The following GORASP2 variants were observed in gnomAD, a reference collection of about 807,000 sequenced individuals.
GORASP2 encodes the protein Golgi reassembly-stacking protein 2.
In GORASP2, 22 loss-of-function variants were observed where a neutral mutation model predicts 45.7. The ratio of observed to expected loss-of-function variants is 0.48; its 90% CI spans 0.34 to 0.69. The LOEUF is 0.69. GORASP2 is among the 30% of genes least tolerant of loss of function. GORASP2 has a pLI of 0.01. For missense variants in GORASP2, 491 were observed against 562.7 expected, an observed-to-expected ratio of 0.87 and a Z score of 1.29; for synonymous variants, 221 against 215.6, an observed-to-expected ratio of 1.02 and a Z score of -0.22.
intron 6 of GORASP2, among the ~76,000 whole-genome samples, chr2:170,955,995 C>G (rs1433076150): frequency 6.6e-6 from 1 of 152,222 alleles, no homozygotes. Flanking sequence ...GGTTGGAAAT[C>G]TTGAGAAGTC....
At chr2:170,962,158 A>G (rs1704578993) in intron 8 of GORASP2, among the ~76,000 whole-genome samples, 1 of 152,256 alleles carries the variant, frequency 6.6e-6, no homozygotes, top group Non-Finnish European at 1.5e-5. Flanking sequence ...CTAACATTAA[A>G]TTAAATTTTT....
intron 5 of GORASP2, among the ~76,000 whole-genome samples, chr2:170,953,441 A>C (rs1030300839): frequency 2.0e-5 from 3 of 152,288 alleles, no homozygotes; most frequent in African/African-American, 7.2e-5. Flanking sequence ...GTGGCAGTGG[A>C]GATAATAGAT....
chr2:170,953,114 G>A (rs188479445), intron 5 of GORASP2, among the ~76,000 whole-genome samples: 57 of 152,290 alleles, frequency 3.7e-4, no homozygotes, highest in Non-Finnish European at 7.1e-4. Context: ...CTACCGCTTT[G>A]GGAGGCTGAG....
intron 7 of GORASP2, among the ~76,000 whole-genome samples, chr2:170,960,657 C>T (rs933280230): frequency 3.3e-5 from 5 of 152,166 alleles, no homozygotes; most frequent in African/African-American, 9.7e-5. Flanking sequence ...ATTAACAAAG[C>T]ACACACTCAC....
chr2:170,950,474 G>A (rs1339598689), intron 4 of GORASP2, among the ~76,000 whole-genome samples, 184 bp downstream of exon 4: 2 of 152,198 alleles, frequency 1.3e-5, no homozygotes, highest in Non-Finnish European at 2.9e-5. Context: ...GTATAGCTGT[G>A]AGGAAAAACA....
chr2:170,964,670 A>T (rs1165367597), intron 9 of GORASP2, among the ~76,000 whole-genome samples: 1 of 152,170 alleles, frequency 6.6e-6, no homozygotes, highest in East Asian at 1.9e-4. Flanking sequence ...AATAAAAATA[A>T]AAATGAAGTA....
At chr2:170,935,698 C>T (rs1453515363) in intron 1 of GORASP2, among the ~76,000 whole-genome samples, 2 of 151,884 alleles carry the variant, frequency 1.3e-5, no homozygotes, top group East Asian at 1.9e-4. Context: ...TCTCAGCCTC[C>T]CCAGTAGCTG....
intron 1 of GORASP2, among the ~76,000 whole-genome samples, chr2:170,938,245 T>G (rs1229036616): frequency 6.6e-6 from 1 of 152,262 alleles, no homozygotes; most frequent in Non-Finnish European, 1.5e-5. Flanking sequence ...ATTTGCATTA[T>G]TGTGTAGAAC....
rs1575482567 is a variant in GORASP2 at position 170,965,939 on chromosome 2, A to G, written c.1168A>G (p.Thr390Ala). 6.2e-7 allele frequency: 1 copy of G among 1,613,552 alleles called. No individual in the cohort carries two copies. Among genetic ancestry groups the G allele is most frequent in the East Asian group, 2.2e-5 (1 of 44,810 alleles). ...SGELLSSLPP[T>A]SNAPSDPATT... Reference sequence around the variant, plus strand: ...AGAGCTGCTGTCTTCCCTCCCGCCCACCAGCAACGCACCCTCCGACCCTGC... The same window carrying G: ...AGAGCTGCTGTCTTCCCTCCCGCCCGCCAGCAACGCACCCTCCGACCCTGC... The change falls in exon 10 of 10, where the codon ACC (threonine) becomes GCC (alanine). Residue 390 changes from threonine (T) to alanine (A), a missense_variant. By Grantham distance (58) the Thr-to-Ala change is moderately conservative. Around this residue, in one of 2 missense-constraint regions of GORASP2, gnomAD observed 297 missense variants for 292.3 expected, o/e 1.02. Transcript: ENST00000234160.
chr2:170,964,131 T>C (rs1368219984), intron 9 of GORASP2, among the ~76,000 whole-genome samples: 3 of 152,216 alleles, frequency 2.0e-5, no homozygotes, highest in Non-Finnish European at 1.5e-5. Flanking sequence ...TTCCTACAAG[T>C]CCATGCAGTT....
In GORASP2 at chr2:170,948,352, A is replaced by G. The variant is rs1489311626; in HGVS notation, c.66A>G (p.Val22=). The stretch of plus-strand genomic sequence containing the variant: ...TTTTGTCGTTTTTGTTTCCGCAGGT[A>G]CAAGAAAATTCCCCAGGACACAGAG... ...GGTEGYHVLR[V]QENSPGHRAG... is the part of the protein sequence containing the mutation. Residue 22 remains valine, a splice_region_variant and synonymous_variant, in exon 2 of 10, where the codon GTA becomes GTG. Transcript: ENST00000234160. 6.3e-7 allele frequency: 1 copy of G among 1,576,778 alleles called. No homozygotes were observed. The highest frequency in any genetic ancestry group is 1.7e-5 in the Admixed American group (1 of 58,090).
At position 170,961,544 on chromosome 2, in the gene GORASP2, G is replaced by A. The variant is rs141829156; in HGVS notation, c.824-119G>A. On this transcript the variant is annotated intron_variant, in intron 7 of 9. Coordinates refer to ENST00000234160, the MANE Select transcript of GORASP2 (RefSeq NM_015530.5). ...GGACAGTCAGTTGCAGCTGGAAATCGGGACCAAATGAAGACCTGACCACGG... is the reference window on the plus strand; with the variant it reads ...GGACAGTCAGTTGCAGCTGGAAATCAGGACCAAATGAAGACCTGACCACGG... The A allele has an allele frequency of 4.2e-4, 301 of 714,124 alleles. No individual in the cohort carries two copies. In the East Asian group the frequency reaches 5.3e-3, roughly 13 times the overall value. The allele number at this position is 714,124 out of a possible 1,614,324, so 44.2% of individuals were successfully genotyped here.
intron 9 of GORASP2, among the ~76,000 whole-genome samples, chr2:170,963,932 A>G (rs1452867593): frequency 2.0e-5 from 3 of 152,128 alleles, no homozygotes; most frequent in Non-Finnish European, 4.4e-5. Flanking sequence ...GGCATGAGCC[A>G]TCTCACCCAG....
intron 1 of GORASP2, chr2:170,936,616 C>T (rs1455460545): frequency 7.7e-7 from 1 of 1,297,622 alleles, no homozygotes; most frequent in South Asian, 1.2e-5. Flanking sequence ...TTTGTTCTCT[C>T]TTTTAAGCAT....
intron 9 of GORASP2, among the ~76,000 whole-genome samples, chr2:170,963,430 CTA>C (rs1476162273): frequency 6.3e-5 from 9 of 142,000 alleles, no homozygotes; most frequent in African/African-American, 2.2e-4. Context: ...GTCCCCGCTG[CTA>C]CTGCTGCTGC....
intron 1 of GORASP2, among the ~76,000 whole-genome samples, chr2:170,945,212 G>A (rs2105318084): frequency 6.6e-6 from 1 of 152,226 alleles, no homozygotes; most frequent in East Asian, 1.9e-4. Context: ...TGTAATCCTA[G>A]TGCTTTGGGA....
At chr2:170,943,652 T>C (rs988149279) in intron 1 of GORASP2, among the ~76,000 whole-genome samples, 1 of 152,212 alleles carries the variant, frequency 6.6e-6, no homozygotes, top group Non-Finnish European at 1.5e-5. Flanking sequence ...TTTTTCACTG[T>C]ATATAATCTT....
Position 170,950,221 on chromosome 2 carries a change from T to C in GORASP2, c.366T>C (p.Ser122=). 6.4e-7 allele frequency: 1 copy of C among 1,563,254 alleles called. No homozygotes were observed. ...CATTCTAGGAGGTGGAATCAAATTC[T>C]CCTGCAGCACTGGCAGGTCTTAGAC... ...VWHVLEVESN[S]PAALAGLRPH... is the part of the protein sequence containing the mutation. The change falls in exon 4 of 10, where the codon TCT becomes TCC. Residue 122 remains serine, a synonymous_variant. Transcript: ENST00000234160.
intron 7 of GORASP2, among the ~76,000 whole-genome samples, chr2:170,960,123 A>G (rs1704521109): frequency 6.6e-6 from 1 of 152,068 alleles, no homozygotes; most frequent in African/African-American, 2.4e-5. Context: ...GCCTGGCCCA[A>G]GTGTATCACC....
Sources: gnomAD v4.1 joint callset for allele counts (sites outside exome capture counted in the v4.1 genomes callset) on GRCh38, gnomAD v4.1.1 for gene constraint, gnomAD v4.1.1 regional missense constraint, MANE v1.5 for transcripts, NCBI Gene and HGNC (gene_info 2026-07-23, HGNC 2026-07-21) for gene names.